BCO1: variants seen among roughly 807,000 people sequenced by gnomAD.
BCO1 encodes beta-carotene oxygenase 1.
BCO1 carries 54 observed loss-of-function variants against 56.3 expected under a neutral mutation model. The observed-to-expected ratio is 0.96, with a 90% CI of 0.77 to 1.20. The LOEUF (loss-of-function observed/expected upper bound fraction) is 1.20. Ranked by LOEUF, BCO1 falls within the 50% of genes most tolerant of loss-of-function variation. BCO1 has a pLI of 0.00. For synonymous variants in BCO1, 318 were observed against 266.1 expected, an observed-to-expected ratio of 1.20 and a Z score of -1.90; for missense variants, 801 against 690.9, an observed-to-expected ratio of 1.16 and a Z score of -1.79.
intron 4 of BCO1, 107 bp downstream of exon 4, chr16:81,262,390 C>T (rs2151937181): frequency 1.7e-6 from 2 of 1,201,986 alleles, no homozygotes; most frequent in South Asian, 2.5e-5. Context: ...CAGGGGAGCC[C>T]CTCCTCTAAC....
At chr16:81,247,755 A>G (rs909145386) in intron 2 of BCO1, among the ~76,000 whole-genome samples, 2 of 151,820 alleles carry the variant, frequency 1.3e-5, no homozygotes, top group South Asian at 2.1e-4. Context: ...CGAACTTCCA[A>G]CCTCAGGTGA....
chr16:81,268,482 A>G (rs1043496202), intron 6 of BCO1, among the ~76,000 whole-genome samples: 6 of 152,168 alleles, frequency 3.9e-5, no homozygotes, highest in Non-Finnish European at 8.8e-5. Flanking sequence ...CCTGTTGACA[A>G]GACCCCTTAA....
intron 2 of BCO1, among the ~76,000 whole-genome samples, chr16:81,259,320 C>G (rs909495391): frequency 2.6e-5 from 4 of 151,942 alleles, no homozygotes; most frequent in Non-Finnish European, 4.4e-5. Flanking sequence ...GTGGTGAAAC[C>G]CCATCTCTAC....
chr16:81,240,178 A>G (rs1567695308), intron 1 of BCO1, among the ~76,000 whole-genome samples: 1 of 152,044 alleles, frequency 6.6e-6, no homozygotes, highest in African/African-American at 2.4e-5. Flanking sequence ...TTATATATAA[A>G]TTAATTAGGA....
intron 7 of BCO1, among the ~76,000 whole-genome samples, chr16:81,273,636 A>G (rs1478494918): frequency 3.4e-5 from 4 of 117,232 alleles, no homozygotes; most frequent in Non-Finnish European, 7.2e-5. Flanking sequence ...ACATTTAAAA[A>G]TCCTTTTTTT....
intron 4 of BCO1, chr16:81,264,230 A>T (rs1231562776): frequency 3.5e-6 from 1 of 286,132 alleles, no homozygotes; most frequent in Non-Finnish European, 6.8e-6. Context: ...TGTGGCCAAG[A>T]TTAGCTCGAA....
chr16:81,252,788 C>T (rs1905890267), intron 2 of BCO1, among the ~76,000 whole-genome samples: 2 of 152,196 alleles, frequency 1.3e-5, no homozygotes, highest in Admixed American at 1.3e-4. Context: ...TTTTCTTGGA[C>T]AATGCAGTTT....
At chr16:81,282,879 G>A (rs937760276) in intron 8 of BCO1, among the ~76,000 whole-genome samples, 2 of 152,038 alleles carry the variant, frequency 1.3e-5, no homozygotes, top group East Asian at 1.9e-4. Context: ...ATTTCATCCC[G>A]GCAGTGTCAT....
chr16:81,256,504 A>T (rs1181512394), intron 2 of BCO1, among the ~76,000 whole-genome samples: 1 of 152,196 alleles, frequency 6.6e-6, no homozygotes, highest in Non-Finnish European at 1.5e-5. Context: ...AAAAGGAAAA[A>T]ATCTTAATGT....
chr16:81,264,909 G>A, intron 5 of BCO1, 122 bp downstream of exon 5: 2 of 1,143,118 alleles, frequency 1.7e-6, no homozygotes, highest in South Asian at 1.3e-5. Context: ...GATTATTGAG[G>A]TGGACCATGA....
intron 7 of BCO1, among the ~76,000 whole-genome samples, chr16:81,273,368 G>T (rs1450951717): frequency 2.6e-5 from 4 of 152,070 alleles, no homozygotes; most frequent in Non-Finnish European, 5.9e-5. Flanking sequence ...GCCTCAGATG[G>T]GCCACACTTG....
chr16:81,246,516 A>C (rs545832113), intron 2 of BCO1, among the ~76,000 whole-genome samples: 70 of 152,238 alleles, frequency 4.6e-4, no homozygotes, highest in Middle Eastern at 3.4e-3. Flanking sequence ...CAGGTGGAAG[A>C]GTACAGGAAT....
Position 81,270,328 on chromosome 16 carries a change from C to T in BCO1, c.1013C>T (p.Ala338Val), listed in dbSNP as rs1414090246. The T allele has an allele frequency of 3.7e-6, 6 of 1,614,122 alleles. No individual in the cohort carries two copies. In the Admixed American group the frequency reaches 8.3e-5, roughly 22 times the overall value. ...DNSLYQLFYLANLNQDFKENS... is the reference protein window; with the variant it reads ...DNSLYQLFYLVNLNQDFKENS... ...AGCCTCTACCAGCTCTTCTACCTGG[C>T]CAACCTGAACCAGGACTTCAAGGAG... Residue 338 changes from alanine (A) to valine (V), a missense_variant, in exon 7 of 11, where the codon GCC (alanine) becomes GTC (valine). Ala to Val is a moderately conservative substitution (Grantham distance 64). Transcript: ENST00000258168.
intron 1 of BCO1, among the ~76,000 whole-genome samples, chr16:81,243,223 A>G (rs1905218316): frequency 6.6e-6 from 1 of 152,064 alleles, no homozygotes; most frequent in South Asian, 2.1e-4. Flanking sequence ...TAAAATGATG[A>G]GTTTTATCTC....
intron 7 of BCO1, among the ~76,000 whole-genome samples, chr16:81,279,425 A>G (rs1907739512): frequency 6.6e-6 from 1 of 152,226 alleles, no homozygotes; most frequent in Non-Finnish European, 1.5e-5. Flanking sequence ...TGGTGGCAGC[A>G]ATATAATAAT....
At chr16:81,281,083 T>C in intron 8 of BCO1, 121 bp downstream of exon 8, 1 of 736,574 alleles carries the variant, frequency 1.4e-6, no homozygotes, top group Non-Finnish European at 2.4e-6. Flanking sequence ...GGAAAGGGTC[T>C]TGGGATGCCC....
At chr16:81,289,443 A>G (rs781017913) in intron 10 of BCO1, among the ~76,000 whole-genome samples, 10 of 152,068 alleles carry the variant, frequency 6.6e-5, no homozygotes, top group Non-Finnish European at 1.3e-4. Context: ...GGAGTCCAAG[A>G]CCAGCATGGG....
At position 81,245,497 on chromosome 16, in the gene BCO1, G is replaced by A. The variant is rs1905349937; in HGVS notation, c.87G>A (p.Gln29=). 1 of 1,614,210 alleles carries A rather than the reference G, an allele frequency of 6.2e-7. No individual in the cohort carries two copies. The highest frequency in any genetic ancestry group is 8.5e-7 in the Non-Finnish European group (1 of 1,180,042). ...KVTGKIPAWL[Q]GTLLRNGPGM... is the part of the protein sequence containing the mutation. Reference sequence around the variant, plus strand: ...CAGGCAAGATTCCAGCATGGCTGCAGGGAACCCTGCTCCGCAATGGGCCTG... The same window carrying A: ...CAGGCAAGATTCCAGCATGGCTGCAAGGAACCCTGCTCCGCAATGGGCCTG... Residue 29 remains glutamine, a synonymous_variant, in exon 2 of 11, where the codon CAG becomes CAA. Coordinates refer to ENST00000258168, the MANE Select transcript of BCO1 (RefSeq NM_017429.3).
At chr16:81,254,295 ATTTTT>A (rs57961725) in intron 2 of BCO1, among the ~76,000 whole-genome samples, 69 of 78,278 alleles carry the variant, frequency 8.8e-4, no homozygotes, top group African/African-American at 1.4e-3. Context: ...CGCCCGGCTA[ATTTTT>A]TTTTTTTTTT....
Sources: allele counts gnomAD v4.1 joint callset (sites outside exome capture counted in the v4.1 genomes callset), GRCh38; gene constraint gnomAD v4.1.1; transcripts MANE v1.5; gene names NCBI Gene and HGNC (gene_info 2026-07-23, HGNC 2026-07-21).